Variants in RGS12 observed in about 807,000 individuals in gnomAD.
RGS12 encodes regulator of G-protein signaling 12.
RGS12 carries 66 observed loss-of-function variants against 120.1 expected under a neutral mutation model. The observed-to-expected ratio is 0.55, with a 90% CI of 0.45 to 0.67. RGS12 has a LOEUF of 0.67. Among genes scored for constraint, RGS12 ranks in the 30% least tolerant of loss-of-function variants. The pLI is 0.00. For synonymous variants in RGS12, 827 were observed against 804.7 expected (o/e 1.03, Z -0.47); for missense variants, 1,859 against 1,957.7 (o/e 0.95, Z 0.95).
intron 4 of RGS12, among the ~76,000 whole-genome samples, chr4:3,392,104 A>G (rs1439230038): frequency 6.6e-6 from 1 of 152,190 alleles, no homozygotes; most frequent in African/African-American, 2.4e-5. Context: ...AAATGATTTA[A>G]GGAAAAGGTC....
chr4:3,424,937 C>A (rs975820493), intron 13 of RGS12, among the ~76,000 whole-genome samples: 12 of 152,198 alleles, frequency 7.9e-5, no homozygotes, highest in Non-Finnish European at 1.5e-4. Flanking sequence ...ACTGACAGAT[C>A]GTGAATGCCA....
chr4:3,384,077 T>G (rs981656068), intron 3 of RGS12, among the ~76,000 whole-genome samples: 3 of 152,254 alleles, frequency 2.0e-5, no homozygotes, highest in African/African-American at 7.2e-5. Flanking sequence ...CTTTCAGATC[T>G]TATTGACAGC....
intron 10 of RGS12, among the ~76,000 whole-genome samples, chr4:3,421,533 G>A (rs983946437): frequency 2.6e-5 from 4 of 152,224 alleles, no homozygotes; most frequent in Non-Finnish European, 5.9e-5. Context: ...CGGCCTTGCC[G>A]TGTGTTTCTG....
At chr4:3,330,630 TGTA>T (rs537285024) in intron 2 of RGS12, among the ~76,000 whole-genome samples, 3 of 152,218 alleles carry the variant, frequency 2.0e-5, no homozygotes, top group Non-Finnish European at 4.4e-5. Flanking sequence ...GTAAAAAAAA[TGTA>T]GTATTTCCAT....
chr4:3,377,743 C>T (rs923799971), intron 3 of RGS12, among the ~76,000 whole-genome samples: 2 of 152,162 alleles, frequency 1.3e-5, no homozygotes, highest in Non-Finnish European at 2.9e-5. Flanking sequence ...GACAGACTGC[C>T]TGCAGAGGAG....
intron 4 of RGS12, among the ~76,000 whole-genome samples, chr4:3,387,159 T>G (rs1201377569): frequency 6.6e-6 from 1 of 152,230 alleles, no homozygotes; most frequent in Non-Finnish European, 1.5e-5. Context: ...TTGTCCCCAC[T>G]TCTGTCCCTG....
chr4:3,303,947 C>T (rs1723827506), intron 1 of RGS12, among the ~76,000 whole-genome samples: 1 of 152,218 alleles, frequency 6.6e-6, no homozygotes, highest in South Asian at 2.1e-4. Context: ...GTTTGCCATA[C>T]TTCTGAATTC....
intron 4 of RGS12, among the ~76,000 whole-genome samples, chr4:3,387,285 G>A (rs548869381): frequency 1.1e-4 from 16 of 152,310 alleles, no homozygotes; most frequent in Admixed American, 5.9e-4. Context: ...GTATTTGTGC[G>A]TTAAAGAGAA....
intron 17 of RGS12, among the ~76,000 whole-genome samples, chr4:3,436,930 AG>A (rs1297495065): frequency 6.6e-6 from 1 of 152,212 alleles, no homozygotes; most frequent in African/African-American, 2.4e-5. Flanking sequence ...CCCAAGCGGC[AG>A]GGAACAAGAT....
At position 3,317,900 on chromosome 4, in the gene RGS12, G is replaced by A. The variant is rs753201014; in HGVS notation, c.1730G>A (p.Ser577Asn). 5 of 1,613,952 alleles carry A rather than the reference G, an allele frequency of 3.1e-6. No homozygotes were observed. The highest frequency in any genetic ancestry group is 4.2e-6 in the Non-Finnish European group (5 of 1,180,012). Residue 577 changes from serine (S) to asparagine (N), a missense_variant, in exon 2 of 18, where the codon AGC becomes AAC. Coordinates refer to ENST00000336727, the MANE Select transcript of RGS12 (RefSeq NM_001394154.1). ...INCGTLPPPM[S>N]KIPADRYRVE... ...TGCGGCACACTGCCCCCTCCTATGAGCAAGATCCCCGCAGACCGCTACAGG... is the reference window on the plus strand; with the variant it reads ...TGCGGCACACTGCCCCCTCCTATGAACAAGATCCCCGCAGACCGCTACAGG...
rs773725987 is a variant in RGS12 at position 3,416,034 on chromosome 4, C to A, written c.2340C>A (p.Thr780=). The A allele has an allele frequency of 6.2e-7, 1 of 1,613,948 alleles. No individual in the cohort carries two copies. The highest frequency in any genetic ancestry group is 8.5e-7 in the Non-Finnish European group (1 of 1,179,974). Residue 780 remains threonine, a synonymous_variant, in exon 7 of 18, where the codon ACC becomes ACA. Coordinates refer to ENST00000336727, the MANE Select transcript of RGS12 (RefSeq NM_001394154.1). ...AGTTTCTCTGCAGCAAAGCCACCACCCCGGTCAACATCGACAGCCAGGCCC... is the reference window on the plus strand; with the variant it reads ...AGTTTCTCTGCAGCAAAGCCACCACACCGGTCAACATCGACAGCCAGGCCC... ...FSKFLCSKAT[T]PVNIDSQAQL...
intron 3 of RGS12, among the ~76,000 whole-genome samples, chr4:3,363,863 G>A (rs1715997537): frequency 6.6e-6 from 1 of 152,118 alleles, no homozygotes; most frequent in Non-Finnish European, 1.5e-5. Flanking sequence ...GGGTGGCCTG[G>A]AGGGCTGGGA....
intron 2 of RGS12, among the ~76,000 whole-genome samples, chr4:3,337,205 CAA>C (rs1283189817): frequency 6.6e-6 from 1 of 152,170 alleles, no homozygotes; most frequent in African/African-American, 2.4e-5. Flanking sequence ...ACCACCATCA[CAA>C]GAGAGAAAAA....
intron 13 of RGS12, 78 bp downstream of exon 13, chr4:3,423,719 G>A: frequency 6.5e-7 from 1 of 1,528,170 alleles, no homozygotes; most frequent in Non-Finnish European, 8.8e-7. Context: ...GTTGTTCACT[G>A]AAGAGGGCAC....
At chr4:3,347,260 T>C (rs1277661590) in intron 3 of RGS12, among the ~76,000 whole-genome samples, 1 of 152,024 alleles carries the variant, frequency 6.6e-6, no homozygotes, top group South Asian at 2.1e-4. Flanking sequence ...CTGGCTAACG[T>C]GGTGAGACCC....
At position 3,428,678 on chromosome 4, in the gene RGS12, A is replaced by G. The variant is rs1237197813; in HGVS notation, c.3532A>G (p.Lys1178Glu). 1.9e-6 allele frequency: 3 copies of G among 1,594,724 alleles called. No homozygotes were observed. The highest frequency in any genetic ancestry group is 2.6e-6 in the Non-Finnish European group (3 of 1,175,296). The change falls in exon 16 of 18, where the codon AAA (lysine) becomes GAA (glutamate). Residue 1178 changes from lysine to glutamate, a missense_variant. By Grantham distance (56) the Lys-to-Glu change is moderately conservative. This residue lies in a region of RGS12 where 517 missense variants were observed against 488.5 expected (regional missense o/e 1.06). Transcript: ENST00000336727. ...EESIAKIGKKKYQKINLDEAE... is the reference protein window; with the variant it reads ...EESIAKIGKKEYQKINLDEAE... ...ATCTATTGCAAAGATTGGGAAAAAA[A>G]AATATCAGAAAATTAATTTGGACGA...
chr4:3,408,551 G>A (rs1256069374), intron 4 of RGS12, among the ~76,000 whole-genome samples: 4 of 152,196 alleles, frequency 2.6e-5, no homozygotes, highest in African/African-American at 9.7e-5. Context: ...ACGTTTTCCG[G>A]TAGCCAGTTT....
chr4:3,341,830 G>A (rs1049810841), intron 2 of RGS12, among the ~76,000 whole-genome samples: 3 of 144,250 alleles, frequency 2.1e-5, no homozygotes, highest in African/African-American at 7.8e-5. Flanking sequence ...GGTGGAGGAT[G>A]GAGGTGTGGG....
In RGS12 at chr4:3,332,876, G is replaced by A. The variant is rs997916844; in HGVS notation, c.1882-10061G>A. ...GTCTCACTTTGTCACCCAGGCTGGAGTGCAGTGGTGCGATCTCGGCTCACT... is the reference window on the plus strand; with the variant it reads ...GTCTCACTTTGTCACCCAGGCTGGAATGCAGTGGTGCGATCTCGGCTCACT... On this transcript the variant is annotated intron_variant, in intron 2 of 17. Transcript: ENST00000336727. 1.5e-4 allele frequency among the ~76,000 whole-genome samples: 23 copies of A among 152,312 alleles called. 1 individual carries two copies. The highest frequency in any genetic ancestry group is 5.3e-4 in the African/African-American group (22 of 41,568).
Sources: allele counts gnomAD v4.1 joint callset (sites outside exome capture counted in the v4.1 genomes callset), GRCh38; gene constraint gnomAD v4.1.1; regional missense constraint gnomAD v4.1.1; transcripts MANE v1.5; gene names NCBI Gene and HGNC (gene_info 2026-07-23, HGNC 2026-07-21).